Variants in TERB2 observed in about 807,000 individuals in gnomAD.
TERB2 encodes the protein telomere repeat binding bouquet formation protein 2.
TERB2 carries 26 observed loss-of-function variants against 29.8 expected under a neutral mutation model. The ratio of observed to expected loss-of-function variants is 0.87; its 90% CI spans 0.64 to 1.21. The LOEUF is 1.21. Ranked by LOEUF, TERB2 falls within the 50% of genes most tolerant of loss-of-function variation. The pLI, the probability that TERB2 is intolerant of heterozygous loss-of-function variation, is 0.00. For synonymous variants in TERB2, 80 were observed against 90.8 expected (o/e 0.88, Z 0.68); for missense variants, 240 against 268.6 (o/e 0.89, Z 0.74).
intron 2 of TERB2, among the ~76,000 whole-genome samples, chr15:44,957,390 G>T (rs1406794042): frequency 1.3e-5 from 2 of 151,914 alleles, no homozygotes; most frequent in Admixed American, 6.6e-5. Context: ...CCTGGTCCTC[G>T]GGCCTCTTCC....
chr15:44,961,495 A>T (rs550322825), intron 3 of TERB2, 28 bp from the exon 4 acceptor site: 1 of 1,512,730 alleles, frequency 6.6e-7, no homozygotes, highest in Non-Finnish European at 9.0e-7. Context: ...AAACCAAAAC[A>T]GTATTGGATT....
chr15:44,975,213 T>C (rs1379146871), intron 6 of TERB2, among the ~76,000 whole-genome samples: 6 of 152,224 alleles, frequency 3.9e-5, no homozygotes, highest in Non-Finnish European at 5.9e-5. Flanking sequence ...AAATTTCCTT[T>C]TTTGTATTTC....
chr15:44,963,162 C>T (rs550672105), intron 4 of TERB2, among the ~76,000 whole-genome samples: 40 of 152,254 alleles, frequency 2.6e-4, no homozygotes, highest in African/African-American at 9.6e-4. Context: ...AACCTATGAT[C>T]TCAAATTATC....
Position 44,978,474 on chromosome 15 carries a change from A to C in TERB2, c.524-15A>C. ...GGTTTTAAGTATATATCTTTTTTTA[A>C]ATTTTATTTTGTAGGTTATATATCA... On this transcript the variant is annotated splice_polypyrimidine_tract_variant and intron_variant, in intron 6 of 6. Coordinates refer to ENST00000340827, the MANE Select transcript of TERB2 (RefSeq NM_152448.3). 1.3e-6 allele frequency: 2 copies of C among 1,566,466 alleles called. No homozygotes were observed. The highest frequency in any genetic ancestry group is 1.7e-6 in the Non-Finnish European group (2 of 1,159,682).
intron 3 of TERB2, 127 bp from the exon 4 acceptor site, chr15:44,961,396 A>G: frequency 1.6e-6 from 1 of 619,270 alleles, no homozygotes; most frequent in Non-Finnish European, 2.9e-6. Flanking sequence ...CATTTTAACA[A>G]GTGTGTTATG....
Position 44,958,407 on chromosome 15 carries a change from G to C in TERB2, c.181G>C (p.Ala61Pro), listed in dbSNP as rs2141238055. 1 of 1,613,818 alleles carries C rather than the reference G, an allele frequency of 6.2e-7. No individual in the cohort carries two copies. The highest frequency in any genetic ancestry group is 1.1e-5 in the South Asian group (1 of 91,012). The change falls in exon 3 of 7, where the codon GCT becomes CCT. Residue 61 changes from alanine (A) to proline (P), a missense_variant. By Grantham distance (27) the Ala-to-Pro change is conservative (BLOSUM62 -1). Coordinates refer to ENST00000340827, the MANE Select transcript of TERB2 (RefSeq NM_152448.3). ...YQSLDYIEDN[A>P]TVFHAYYLSA... is the part of the protein sequence containing the mutation. ...GAGCCTTGATTACATAGAAGATAAT[G>C]CTACAGTTTTTCATGCCTACTATCT...
rs186663312 is a variant in TERB2 at position 44,975,447 on chromosome 15, A to C, written c.523+1492A>C. Among the ~76,000 whole-genome samples, 337 of 152,202 alleles carry C rather than the reference A, an allele frequency of 2.2e-3. 2 individuals carry two copies. Among genetic ancestry groups the C allele is most frequent in the African/African-American group, 7.8e-3 (323 of 41,552 alleles). On this transcript the variant is annotated intron_variant, in intron 6 of 6. Transcript: ENST00000340827. Reference sequence around the variant, plus strand: ...GCTGTGGTATCAATTTTTGTGACTAAAACTTCACTATCTCTTCTTTGGAAT... The same window carrying C: ...GCTGTGGTATCAATTTTTGTGACTACAACTTCACTATCTCTTCTTTGGAAT...
chr15:44,977,525 CAA>C (rs1265982300), intron 6 of TERB2, among the ~76,000 whole-genome samples: 1 of 152,102 alleles, frequency 6.6e-6, no homozygotes, highest in Non-Finnish European at 1.5e-5. Flanking sequence ...AGCCATTAGG[CAA>C]AGATTATGAA....
rs190956949 is a variant in TERB2, at chr15:44,958,226, T to A, written c.147-147T>A. ...GAAAAGAGTATCTTATGCCATATGT[T>A]TTTCCTTCCTTGCCAGAAAAGGACA... On this transcript the variant is annotated intron_variant, in intron 2 of 6. Coordinates refer to ENST00000340827, the MANE Select transcript of TERB2 (RefSeq NM_152448.3). 5.2e-6 allele frequency: 5 copies of A among 954,394 alleles called. No individual in the cohort carries two copies. The East Asian group carries it at 1.4e-4, about 26-fold the overall frequency. 59.1% of individuals were successfully genotyped at this position (954,394 alleles called of 1,614,324 possible).
intron 5 of TERB2, among the ~76,000 whole-genome samples, chr15:44,969,089 G>A (rs1351697232): frequency 5.3e-5 from 8 of 151,878 alleles, no homozygotes; most frequent in African/African-American, 7.3e-5. Flanking sequence ...GGGCCACCAC[G>A]CCTGGCTAAT....
At chr15:44,965,609 T>TAGATATATAAATATATATCTATATAA (rs1461611258) in intron 4 of TERB2, among the ~76,000 whole-genome samples, 18 of 144,754 alleles carry the variant, frequency 1.2e-4, no homozygotes, top group Admixed American at 9.9e-4. Context: ...ATATATTTAA[T>TAGATATATAAATATATATCTATATAA]AGATATATAA....
chr15:44,971,684 G>A (rs1891971695), intron 5 of TERB2, among the ~76,000 whole-genome samples: 2 of 151,990 alleles, frequency 1.3e-5, no homozygotes, highest in Admixed American at 6.6e-5. Flanking sequence ...GAACCTGGGA[G>A]GCCTGAGCTT....
At chr15:44,966,886 C>T (rs1891899497) in intron 5 of TERB2, among the ~76,000 whole-genome samples, 1 of 152,074 alleles carries the variant, frequency 6.6e-6, no homozygotes, top group South Asian at 2.1e-4. Context: ...ACTGCTTGAG[C>T]CTAGGAATTT....
chr15:44,973,671 C>A, intron 5 of TERB2, 196 bp from the exon 6 acceptor site: 1 of 294,490 alleles, frequency 3.4e-6, no homozygotes, highest in Non-Finnish European at 5.2e-6. Flanking sequence ...TTTAAAAAAT[C>A]ACTATATATA....
intron 6 of TERB2, among the ~76,000 whole-genome samples, chr15:44,977,698 G>A (rs1046538495): frequency 6.6e-6 from 1 of 152,072 alleles, no homozygotes; most frequent in African/African-American, 2.4e-5. Flanking sequence ...CAATATGCAT[G>A]GATATCCTGT....
chr15:44,963,407 T>C (rs1344870731), intron 4 of TERB2, among the ~76,000 whole-genome samples: 2 of 152,166 alleles, frequency 1.3e-5, no homozygotes, highest in South Asian at 4.1e-4. Context: ...ATCCAGAATA[T>C]GGACCATACC....
At chr15:44,957,009 G>C in intron 2 of TERB2, 32 bp downstream of exon 2, 1 of 1,585,428 alleles carries the variant, frequency 6.3e-7, no homozygotes, top group Admixed American at 1.7e-5. Flanking sequence ...TGCCTCTTAT[G>C]TTAGGATGAG....
At position 44,958,463 on chromosome 15, in the gene TERB2, C is replaced by G. The variant is rs780615644; in HGVS notation, c.237C>G (p.Asn79Lys). The G allele has an allele frequency of 1.2e-6, 2 of 1,613,920 alleles. No individual in the cohort carries two copies. Among genetic ancestry groups the G allele is most frequent in the African/African-American group, 2.7e-5 (2 of 74,902 alleles). Reference sequence around the variant, plus strand: ...CGGTAGCTAATGCCAAAATAAAAAACTCGGTGGCTTTGGGTCATTTCATTC... The same window carrying G: ...CGGTAGCTAATGCCAAAATAAAAAAGTCGGTGGCTTTGGGTCATTTCATTC... Reference protein sequence around the residue: ...LSAVANAKIKNSVALGHFILP... With the variant: ...LSAVANAKIKKSVALGHFILP... The change falls in exon 3 of 7, where the codon AAC becomes AAG. Residue 79 changes from asparagine (N) to lysine (K), a missense_variant. Physicochemically the swap from Asn to Lys is moderately conservative, Grantham distance 94. Transcript: ENST00000340827.
Position 44,966,165 on chromosome 15 carries a change from A to C in TERB2, c.356A>C (p.Glu119Ala). The C allele has an allele frequency of 6.5e-7, 1 of 1,538,080 alleles. No homozygotes were observed. Among genetic ancestry groups the C allele is most frequent in the Non-Finnish European group, 8.7e-7 (1 of 1,147,286 alleles). ...TTACTTTTCTATCCACAGCATGATGAAGTAACACCAAATGAAATAAAGACC... is the reference window on the plus strand; with the variant it reads ...TTACTTTTCTATCCACAGCATGATGCAGTAACACCAAATGAAATAAAGACC... ...DQHFLIEKHD[E>A]VTPNEIKTLR... is the part of the protein sequence containing the mutation. Residue 119 changes from glutamate (E) to alanine (A), a missense_variant, in exon 5 of 7, where the codon GAA becomes GCA. Glu to Ala is a moderately radical substitution (Grantham distance 107). Transcript: ENST00000340827.
Sources: gnomAD v4.1 joint callset for allele counts (sites outside exome capture counted in the v4.1 genomes callset) on GRCh38, gnomAD v4.1.1 for gene constraint, MANE v1.5 for transcripts, NCBI Gene and HGNC (gene_info 2026-07-23, HGNC 2026-07-21) for gene names.